Variants in VILL observed in about 807,000 individuals in gnomAD.
VILL encodes the protein villin like, also known as villin-like protein.
A neutral mutation model predicts 106.3 loss-of-function variants in VILL; 102 were observed. That is an observed-to-expected ratio of 0.96 (90% CI 0.82 to 1.13). The LOEUF (loss-of-function observed/expected upper bound fraction) is 1.13. VILL is among the 50% of genes most tolerant of loss of function. The pLI, the probability that VILL is intolerant of heterozygous loss-of-function variation, is 0.00. For synonymous variants in VILL, 431 were observed against 440.3 expected (o/e 0.98, Z 0.27); for missense variants, 1,076 against 1,116.6 (o/e 0.96, Z 0.52).
chr3:37,997,356 G>A lies in VILL; in HGVS notation c.562-127G>A. On this transcript the variant is annotated intron_variant, in intron 6 of 19. Coordinates refer to ENST00000383759, the MANE Select transcript of VILL (RefSeq NM_015873.4). The surrounding 1 kb of genome is among the most constrained non-coding windows in gnomAD (Gnocchi z 4.7). ...ACCCTGCATTGTTGGTGTCCCCCTG[G>A]ATGCCAGGATGAGGGGACATCAGCC... The A allele has an allele frequency of 1.7e-6, 2 of 1,190,272 alleles. No individual in the cohort carries two copies. The highest frequency in any genetic ancestry group is 2.4e-6 in the Non-Finnish European group (2 of 834,944). 73.7% of individuals were successfully genotyped at this position (1,190,272 alleles called of 1,614,324 possible). A position where few individuals can be genotyped will look rare whatever the true frequency, so the allele number is the denominator to read the frequency against.
chr3:37,995,642 AC>A lies in VILL; in HGVS notation c.342-96del, dbSNP rs1699687300. ...CAGTGCATGTATGAAGCAGGCACAT[AC>A]GTGCACGTGCTCACATCTGCAGTCA... On this transcript the variant is annotated intron_variant, in intron 4 of 19. Transcript: ENST00000383759. 5.2e-6 allele frequency: 5 copies of A among 961,362 alleles called. No homozygotes were observed. In the East Asian group the frequency reaches 1.3e-4, roughly 24 times the overall value. 59.6% of individuals were successfully genotyped at this position (961,362 alleles called of 1,614,324 possible). A position where few individuals can be genotyped will look rare whatever the true frequency, so the allele number is the denominator to read the frequency against.
chr3:37,997,541 T>G lies in VILL; in HGVS notation c.620T>G (p.Ile207Ser), dbSNP rs758520122. Reference sequence around the variant, plus strand: ...GAACGTGGTGGTGGTCGTGCACAGATTGGTGTGGTGGATGATGAGGCCAAA... The same window carrying G: ...GAACGTGGTGGTGGTCGTGCACAGAGTGGTGTGGTGGATGATGAGGCCAAA... ...DRERGGGRAQIGVVDDEAKAP... is the reference protein window; with the variant it reads ...DRERGGGRAQSGVVDDEAKAP... The change falls in exon 7 of 20, where the codon ATT becomes AGT. Residue 207 changes from isoleucine to serine, a missense_variant. Physicochemically the swap from Ile to Ser is moderately radical, Grantham distance 142 (BLOSUM62 -2). Coordinates refer to ENST00000383759, the MANE Select transcript of VILL (RefSeq NM_015873.4). The surrounding 1 kb of genome is among the most constrained non-coding windows in gnomAD (Gnocchi z 4.7). 6.2e-7 allele frequency: 1 copy of G among 1,613,868 alleles called. No individual in the cohort carries two copies. Among genetic ancestry groups the G allele is most frequent in the South Asian group, 1.1e-5 (1 of 91,070 alleles).
chr3:38,001,616 G>A, intron 12 of VILL, 23 bp downstream of exon 12: 1 of 1,613,668 alleles, frequency 6.2e-7, no homozygotes, highest in Non-Finnish European at 8.5e-7. Flanking sequence ...GAGGGAGGCA[G>A]CACTCACCTT....
At chr3:38,003,611 A>G (rs1336505670) in intron 15 of VILL, 8 of 407,172 alleles carry the variant, frequency 2.0e-5, no homozygotes, top group Non-Finnish European at 3.7e-5. Context: ...TCCCCACCCT[A>G]CAGTCCTCAG....
At chr3:37,996,967 G>A (rs1460778707) in intron 5 of VILL, 110 bp from the exon 6 acceptor site, 15 of 880,070 alleles carry the variant, frequency 1.7e-5, no homozygotes, top group Admixed American at 3.7e-5. Flanking sequence ...ACATGCCTAC[G>A]TACACCCAGT....
intron 3 of VILL, 22 bp from the exon 4 acceptor site, chr3:37,994,239 T>C: frequency 2.5e-6 from 4 of 1,590,844 alleles, no homozygotes; most frequent in Non-Finnish European, 2.6e-6. Flanking sequence ...GCAACACATA[T>C]ACACAAACAC....
At position 37,994,263 on chromosome 3, in the gene VILL, C is replaced by G; in HGVS notation, c.138C>G (p.Val46=). The G allele has an allele frequency of 6.2e-7, 1 of 1,606,288 alleles. No homozygotes were observed. The highest frequency in any genetic ancestry group is 1.3e-5 in the African/African-American group (1 of 75,050). Residue 46 remains valine (V), a splice_region_variant and synonymous_variant, in exon 4 of 20, where the codon GTC becomes GTG. Coordinates refer to ENST00000383759, the MANE Select transcript of VILL (RefSeq NM_015873.4). ...ATACACAAACACCCGGACCCTAGGT[C>G]CCCCAGAGCCCGAAGGCCACGCAGG... ...FEEHCYVILH[V]PQSPKATQGA... is the part of the protein sequence containing the mutation.
At position 38,001,127 on chromosome 3, in the gene VILL, G is replaced by C. The variant is rs1699806960; in HGVS notation, c.1183-329G>C. On this transcript the variant is annotated intron_variant, in intron 11 of 19. Transcript: ENST00000383759. ...CGCCCGGCTTCTGTTGCCCTGGCCTGAGCAGCGAGCAGCTGGGAGGGGACT... is the reference window on the plus strand; with the variant it reads ...CGCCCGGCTTCTGTTGCCCTGGCCTCAGCAGCGAGCAGCTGGGAGGGGACT... 7.6e-6 allele frequency: 4 copies of C among 523,574 alleles called. No individual in the cohort carries two copies. In the East Asian group the frequency reaches 1.6e-4, roughly 21 times the overall value. 32.4% of individuals were successfully genotyped at this position (523,574 alleles called of 1,614,324 possible).
At chr3:38,005,220 C>T (rs1699892902) in intron 16 of VILL, among the ~76,000 whole-genome samples, 1 of 152,142 alleles carries the variant, frequency 6.6e-6, no homozygotes, top group African/African-American at 2.4e-5. Context: ...ACCCAGAGCT[C>T]TTACCACAGC....
In VILL at chr3:37,993,743, C is replaced by G. The variant is rs367753432; in HGVS notation, c.60+11C>G. On this transcript the variant is annotated intron_variant, in intron 2 of 19. Transcript: ENST00000383759. ...ATATGGATCTCTGAGGTGAGAGGCACGACCAAATAGGAGAGTTGGTGACAT... is the reference window on the plus strand; with the variant it reads ...ATATGGATCTCTGAGGTGAGAGGCAGGACCAAATAGGAGAGTTGGTGACAT... 17 of 1,613,870 alleles carry G rather than the reference C, an allele frequency of 1.1e-5. No individual in the cohort carries two copies. The East Asian group carries it at 1.1e-4, about 11-fold the overall frequency.
chr3:38,005,822 G>A lies in VILL; in HGVS notation c.1981G>A (p.Glu661Lys). The change falls in exon 17 of 20, where the codon GAG (glutamate) becomes AAG (lysine). Residue 661 changes from glutamate (E) to lysine (K), a missense_variant. Physicochemically the swap from Glu to Lys is moderately conservative, Grantham distance 56. Transcript: ENST00000383759. Reference protein sequence around the residue: ...IFLWLGEAASEWKEAVAWGQE... With the variant: ...IFLWLGEAASKWKEAVAWGQE... ...CCTGTGGCTTGGGGAAGCTGCAAGT[G>A]AGTGGAAGGAGGCGGTGGCCTGGGG... 6.2e-7 allele frequency: 1 copy of A among 1,613,180 alleles called. No homozygotes were observed. Among genetic ancestry groups the A allele is most frequent in the Non-Finnish European group, 8.5e-7 (1 of 1,179,534 alleles).
At chr3:37,994,121 C>T (rs938101967) in intron 3 of VILL, 140 bp from the exon 4 acceptor site, 1 of 1,405,116 alleles carries the variant, frequency 7.1e-7, no homozygotes, top group Non-Finnish European at 9.9e-7. Context: ...GTTGAGGCTT[C>T]TTAGTCCTTC....
Position 38,001,717 on chromosome 3 carries a change from G to T in VILL, c.1336G>T (p.Ala446Ser). The stretch of plus-strand genomic sequence containing the variant: ...CCACCTGCAGGGCCACCAGGCCACT[G>T]CGGATGAGATTGAGGCCCTGAACAG... Reference protein sequence around the residue: ...LYLWQGHQATADEIEALNSNA... With the variant: ...LYLWQGHQATSDEIEALNSNA... The change falls in exon 13 of 20, where the codon GCG becomes TCG. Residue 446 changes from alanine (A) to serine (S), a missense_variant. Transcript: ENST00000383759. 2 of 1,614,224 alleles carry T rather than the reference G, an allele frequency of 1.2e-6. No homozygotes were observed. Among genetic ancestry groups the T allele is most frequent in the African/African-American group, 2.7e-5 (2 of 75,070 alleles).
chr3:38,000,487 A>G (rs1442287446), intron 11 of VILL, among the ~76,000 whole-genome samples: 1 of 152,040 alleles, frequency 6.6e-6, no homozygotes, highest in East Asian at 1.9e-4. Flanking sequence ...AGGGTCAGTG[A>G]TAGATGGGAT....
rs1699725892 is a variant in VILL at position 37,997,534 on chromosome 3, GCA to G, written c.616_617del (p.Gln206AspfsTer6). 2.5e-6 allele frequency: 4 copies of G among 1,614,020 alleles called. No individual in the cohort carries two copies. In the Admixed American group the frequency reaches 6.7e-5, roughly 27 times the overall value. Reference sequence around the variant, plus strand: ...GGACAGGGAACGTGGTGGTGGTCGTGCACAGATTGGTGTGGTGGATGATGAGG... The same window carrying G: ...GGACAGGGAACGTGGTGGTGGTCGTGCAGATTGGTGTGGTGGATGATGAGG... ...LRDRERGGGR[A>X]QIGVVDDEAK... On this transcript the variant is annotated frameshift_variant, in exon 7 of 20. Coordinates refer to ENST00000383759, the MANE Select transcript of VILL (RefSeq NM_015873.4). LOFTEE classifies it high-confidence loss of function. The surrounding 1 kb of genome is among the most constrained non-coding windows in gnomAD (Gnocchi z 4.7).
intron 19 of VILL, 100 bp from the exon 20 acceptor site, chr3:38,006,842 G>A (rs1312500597): frequency 1.2e-5 from 18 of 1,509,750 alleles, no homozygotes; most frequent in South Asian, 3.8e-5. Context: ...AAACAGATGC[G>A]GGAGTCCCAA....
chr3:37,990,241 A>G (rs991487449), upstream of VILL, among the ~76,000 whole-genome samples: 1 of 152,210 alleles, frequency 6.6e-6, no homozygotes, highest in African/African-American at 2.4e-5. This position sits in a 1 kb window ranked among gnomAD's most constrained non-coding sequence, Gnocchi z 5.1. Context: ...GATGGGTATC[A>G]GGGTTCCCTG....
Position 38,006,707 on chromosome 3 carries a change from A to C in VILL, c.2457+7A>C, listed in dbSNP as rs200467025. On this transcript the variant is annotated splice_region_variant and intron_variant, in intron 19 of 19. Coordinates refer to ENST00000383759, the MANE Select transcript of VILL (RefSeq NM_015873.4). ...GGACCCTGCCCGCAGGGAGGTGGGC[A>C]CCCCCTCACTGCCCCAGCACTAGTG... The C allele has an allele frequency of 2.9e-5, 46 of 1,595,912 alleles. No individual in the cohort carries two copies. The highest frequency in any genetic ancestry group is 4.3e-6 in the Non-Finnish European group (5 of 1,169,212).
At chr3:37,995,603 G>A in intron 4 of VILL, 136 bp from the exon 5 acceptor site, 1 of 670,100 alleles carries the variant, frequency 1.5e-6, no homozygotes, top group Non-Finnish European at 2.6e-6. Flanking sequence ...ACATACATGT[G>A]TTCACACAGA....
Sources: allele counts gnomAD v4.1 joint callset (sites outside exome capture counted in the v4.1 genomes callset), GRCh38; gene constraint gnomAD v4.1.1; non-coding constraint Gnocchi (gnomAD v3.1); transcripts MANE v1.5; gene names NCBI Gene and HGNC (gene_info 2026-07-23, HGNC 2026-07-21).